MMP16: variants seen among roughly 807,000 people sequenced by gnomAD.
The protein encoded by MMP16 is matrix metallopeptidase 16, also known as matrix metalloproteinase-16.
In MMP16, 12 loss-of-function variants were observed where a neutral mutation model predicts 67.8. The observed-to-expected ratio is 0.18, with a 90% confidence interval of 0.11 to 0.29. The LOEUF is 0.29. Among genes scored for constraint, MMP16 ranks in the 10% least tolerant of loss-of-function variants. MMP16 has a pLI of 1.00. For synonymous variants in MMP16, 249 were observed against 255.9 expected, an observed-to-expected ratio of 0.97 and a Z score of 0.26; for missense variants, 475 against 765.7, an observed-to-expected ratio of 0.62 and a Z score of 4.48.
At chr8:88,251,112 AT>A (rs935430706) in intron 1 of MMP16, among the ~76,000 whole-genome samples, 7 of 151,862 alleles carry the variant, frequency 4.6e-5, no homozygotes, top group African/African-American at 1.5e-4. Context: ...TGAACTCATC[AT>A]TTTTTATGGC....
chr8:88,178,635 T>C (rs908018810), intron 3 of MMP16, among the ~76,000 whole-genome samples: 38 of 152,192 alleles, frequency 2.5e-4, no homozygotes, highest in African/African-American at 8.4e-4. Flanking sequence ...TCCTCACCTA[T>C]TTCATGTATT....
intron 1 of MMP16, among the ~76,000 whole-genome samples, chr8:88,217,036 T>C (rs1263950155): frequency 6.6e-6 from 1 of 152,090 alleles, no homozygotes; most frequent in Non-Finnish European, 1.5e-5. Flanking sequence ...TGCTTATCTG[T>C]CTCTGACTCA....
intron 1 of MMP16, among the ~76,000 whole-genome samples, chr8:88,256,385 A>C (rs1563575468): frequency 6.6e-6 from 1 of 152,116 alleles, no homozygotes; most frequent in Non-Finnish European, 1.5e-5. Context: ...AATCGACTTC[A>C]CACAACAACC....
At chr8:88,043,266 A>G (rs1241966556) in intron 9 of MMP16, among the ~76,000 whole-genome samples, 1 of 152,092 alleles carries the variant, frequency 6.6e-6, no homozygotes, top group Non-Finnish European at 1.5e-5. Context: ...ATTTTTTAAG[A>G]CTGGGTCCTT....
intron 1 of MMP16, among the ~76,000 whole-genome samples, chr8:88,216,389 T>A (rs1283289916): frequency 6.6e-6 from 1 of 152,194 alleles, no homozygotes; most frequent in Admixed American, 6.5e-5. Flanking sequence ...GTATTTCGTA[T>A]AAACATAAAC....
chr8:88,317,589 C>G (rs1324288726), intron 1 of MMP16, among the ~76,000 whole-genome samples: 1 of 152,092 alleles, frequency 6.6e-6, no homozygotes, highest in African/African-American at 2.4e-5. Context: ...AAAACCAAAC[C>G]AGCAATATCT....
intron 1 of MMP16, among the ~76,000 whole-genome samples, chr8:88,288,343 TTTTTTTC>T (rs1810866088): frequency 1.3e-5 from 2 of 152,036 alleles, no homozygotes; most frequent in South Asian, 2.1e-4. Context: ...AGGACACCAT[TTTTTTTC>T]TTTTTTCTTT....
At chr8:88,184,563 G>GGA (rs1484208942) in intron 3 of MMP16, among the ~76,000 whole-genome samples, 13 of 10,936 alleles carry the variant, frequency 1.2e-3, no homozygotes, top group African/African-American at 5.3e-3. Flanking sequence ...CTCTCTCTCT[G>GGA]AAAAAAAAAA....
intron 9 of MMP16, among the ~76,000 whole-genome samples, chr8:88,046,389 A>T (rs1010618182): frequency 3.3e-5 from 5 of 152,166 alleles, no homozygotes; most frequent in African/African-American, 4.8e-5. Context: ...ATTTTAATAG[A>T]AATATAGGTA....
chr8:88,143,138 G>C (rs144413212), intron 4 of MMP16, among the ~76,000 whole-genome samples: 40 of 151,938 alleles, frequency 2.6e-4, no homozygotes, highest in Non-Finnish European at 4.6e-4. Context: ...AAAATATCTC[G>C]GTAAATTAAC....
chr8:88,319,558 A>G (rs1184978193), intron 1 of MMP16, among the ~76,000 whole-genome samples: 1 of 152,090 alleles, frequency 6.6e-6, no homozygotes, highest in Non-Finnish European at 1.5e-5. Flanking sequence ...TATTATAAAC[A>G]ATGAGAAATT....
intron 8 of MMP16, 32 bp from the exon 9 acceptor site, chr8:88,046,816 C>T (rs748881258): frequency 1.1e-5 from 14 of 1,332,138 alleles, no homozygotes; most frequent in Non-Finnish European, 1.5e-5. Flanking sequence ...ACAACAAACA[C>T]AATAACACAC....
At chr8:88,114,246 T>C (rs1809391869) in intron 6 of MMP16, among the ~76,000 whole-genome samples, 1 of 151,770 alleles carries the variant, frequency 6.6e-6, no homozygotes, top group South Asian at 2.1e-4. Flanking sequence ...ATTATAAGAT[T>C]ATCACTTTAT....
intron 4 of MMP16, among the ~76,000 whole-genome samples, chr8:88,160,432 A>G (rs1586182213): frequency 6.6e-6 from 1 of 152,204 alleles, no homozygotes; most frequent in Admixed American, 6.6e-5. Flanking sequence ...CAATAAATTT[A>G]CAAGAAAAAA....
In MMP16 at chr8:88,033,807, C is replaced by G. The variant is rs1421316609; in HGVS notation, c.*7654G>C. On this transcript the variant is annotated 3_prime_UTR_variant, in exon 10 of 10. Transcript: ENST00000286614. ...AGCAAAAAGCTGCCTCTGTAACACC[C>G]CTAATTCTTTGATTCTATCTCTCTT... The G allele has an allele frequency of 6.6e-6, 1 of 151,924 alleles. No individual in the cohort carries two copies. Among genetic ancestry groups the G allele is most frequent in the Non-Finnish European group, 1.5e-5 (1 of 67,936 alleles). The allele number at this position is 151,924 out of a possible 1,614,324, so 9.4% of individuals were successfully genotyped here.
At chr8:88,174,870 T>G (rs549849769) in intron 3 of MMP16, among the ~76,000 whole-genome samples, 1 of 151,892 alleles carries the variant, frequency 6.6e-6, no homozygotes, top group Admixed American at 6.6e-5. Context: ...TTCTCCTGCC[T>G]AGCCTACTGA....
intron 5 of MMP16, among the ~76,000 whole-genome samples, chr8:88,117,564 G>T (rs1315109006): frequency 1.3e-5 from 2 of 152,052 alleles, no homozygotes; most frequent in African/African-American, 4.8e-5. Flanking sequence ...CACTTAAGAA[G>T]AATTTCTGAT....
intron 1 of MMP16, among the ~76,000 whole-genome samples, chr8:88,292,479 TCAAA>T (rs1231523791): frequency 3.3e-5 from 5 of 152,140 alleles, no homozygotes; most frequent in African/African-American, 1.2e-4. Context: ...GCTAGACAGA[TCAAA>T]CAGTCTTGAA....
chr8:88,306,597 C>G (rs373610762), intron 1 of MMP16, among the ~76,000 whole-genome samples: 1 of 152,148 alleles, frequency 6.6e-6, no homozygotes, highest in African/African-American at 2.4e-5. Context: ...AAGTTGGCTT[C>G]ATCCCTGGGA....
Sources: allele counts gnomAD v4.1 joint callset (sites outside exome capture counted in the v4.1 genomes callset), GRCh38; gene constraint gnomAD v4.1.1; transcripts MANE v1.5; gene names NCBI Gene and HGNC (gene_info 2026-07-23, HGNC 2026-07-21).